The following PEX5L variants were observed in gnomAD, a reference collection of about 807,000 sequenced individuals.
The protein encoded by PEX5L is peroxisomal biogenesis factor 5 like.
PEX5L carries 30 observed loss-of-function variants against 84.0 expected under a neutral mutation model. The observed-to-expected ratio is 0.36, with a 90% CI of 0.27 to 0.48. The LOEUF (loss-of-function observed/expected upper bound fraction) is 0.48. Among genes scored for constraint, PEX5L ranks in the 20% least tolerant of loss-of-function variants. The pLI is 0.99. For missense variants in PEX5L, 533 were observed against 754.6 expected, an observed-to-expected ratio of 0.71 and a Z score of 3.44; for synonymous variants, 270 against 283.1, an observed-to-expected ratio of 0.95 and a Z score of 0.46.
At chr3:179,857,924 A>G (rs1179755613) in intron 8 of PEX5L, among the ~76,000 whole-genome samples, 2 of 152,186 alleles carry the variant, frequency 1.3e-5, no homozygotes, top group Non-Finnish European at 2.9e-5. Context: ...CTTTTTTTTA[A>G]TTAAAAAAGG....
intron 1 of PEX5L, among the ~76,000 whole-genome samples, chr3:180,018,119 G>A (rs1579363140): frequency 1.3e-5 from 2 of 152,116 alleles, no homozygotes; most frequent in Non-Finnish European, 2.9e-5. Flanking sequence ...GAACATATAC[G>A]TTACATTAGA....
At chr3:179,857,204 A>T (rs1235283617) in intron 8 of PEX5L, among the ~76,000 whole-genome samples, 1 of 152,158 alleles carries the variant, frequency 6.6e-6, no homozygotes, top group South Asian at 2.1e-4. Flanking sequence ...TGGGATAACA[A>T]CTCAGGTCCC....
chr3:179,955,546 T>C (rs866337245), intron 2 of PEX5L, among the ~76,000 whole-genome samples: 1 of 151,900 alleles, frequency 6.6e-6, no homozygotes, highest in Non-Finnish European at 1.5e-5. Flanking sequence ...GAAGTGTTTT[T>C]CTAGTCTTCG....
chr3:179,853,760 C>A (rs540243731), intron 8 of PEX5L, among the ~76,000 whole-genome samples: 22 of 151,604 alleles, frequency 1.5e-4, no homozygotes, highest in African/African-American at 4.8e-4. Flanking sequence ...TTCTCTTCTT[C>A]CTCCTCTTCT....
intron 1 of PEX5L, chr3:179,974,098 C>A: frequency 1.0e-6 from 1 of 985,660 alleles, no homozygotes; most frequent in African/African-American, 1.7e-5. Context: ...AGGCAGGGAT[C>A]TTCAGCTCTC....
At chr3:179,988,419 T>TAAATAAATAAATAAATAAATAAAA (rs1276669710) in intron 1 of PEX5L, among the ~76,000 whole-genome samples, 1 of 146,938 alleles carries the variant, frequency 6.8e-6, no homozygotes, top group African/African-American at 2.6e-5. Context: ...AATAAATAAA[T>TAAATAAATAAATAAATAAATAAAA]AAAATAAAAA....
intron 8 of PEX5L, among the ~76,000 whole-genome samples, chr3:179,843,296 G>A (rs1422521951): frequency 2.0e-5 from 3 of 152,150 alleles, no homozygotes; most frequent in Non-Finnish European, 4.4e-5. Flanking sequence ...TCCAAAGCCC[G>A]GGTACAACCA....
At chr3:180,034,921 T>G (rs539125545) in intron 1 of PEX5L, among the ~76,000 whole-genome samples, 17 of 152,304 alleles carry the variant, frequency 1.1e-4, no homozygotes, top group African/African-American at 3.4e-4. Flanking sequence ...AACTCAAGTT[T>G]CAATAACATT....
intron 2 of PEX5L, among the ~76,000 whole-genome samples, chr3:179,905,254 A>G (rs1762739455): frequency 1.3e-5 from 2 of 150,014 alleles, no homozygotes; most frequent in Admixed American, 1.3e-4. Flanking sequence ...GGCACTTCTG[A>G]GGAAGTTGAG....
chr3:179,961,197 GTGTA>G (rs57896988), intron 2 of PEX5L, among the ~76,000 whole-genome samples: 58,274 of 121,682 alleles, frequency 0.48, 12,055 homozygotes, highest in East Asian at 0.77. Context: ...ACTTGTGTAT[GTGTA>G]TGTGTGTGTG....
At chr3:179,810,002 CTTTTTTTTTT>C (rs35662193) in intron 11 of PEX5L, among the ~76,000 whole-genome samples, 2 of 45,262 alleles carry the variant, frequency 4.4e-5, no homozygotes, top group African/African-American at 9.1e-5. Context: ...TTTAATGCTG[CTTTTTTTTTT>C]TTTTTTTTTT....
At chr3:179,995,712 T>G (rs1456457044) in intron 1 of PEX5L, among the ~76,000 whole-genome samples, 1 of 152,200 alleles carries the variant, frequency 6.6e-6, no homozygotes, top group Non-Finnish European at 1.5e-5. Flanking sequence ...AAGATTGCCC[T>G]GACTGAGAGT....
intron 8 of PEX5L, among the ~76,000 whole-genome samples, chr3:179,839,019 G>C (rs1014410278): frequency 1.5e-4 from 22 of 151,618 alleles, no homozygotes; most frequent in African/African-American, 4.8e-4. Flanking sequence ...ATAAAGAAAG[G>C]CTTTCTCATT....
In PEX5L at chr3:179,807,793, C is replaced by A. The variant is rs567679609; in HGVS notation, c.1557G>T (p.Ala519=). 3.7e-6 allele frequency: 6 copies of A among 1,614,014 alleles called. No individual in the cohort carries two copies. The South Asian group carries it at 6.6e-5, about 18-fold the overall frequency. ...SLWNRLGATL[A]NGDRSEEAVE... ...CGGCTTCCTCGCTGCGGTCTCCGTTCGCCAAGGTCGCCCCGAGGCGGTTCC... is the reference window on the plus strand; with the variant it reads ...CGGCTTCCTCGCTGCGGTCTCCGTTAGCCAAGGTCGCCCCGAGGCGGTTCC... The change falls in exon 14 of 15, where the codon GCG becomes GCT. Residue 519 remains alanine (A), a synonymous_variant. Transcript: ENST00000467460.
chr3:179,918,843 G>T (rs1768207060), intron 2 of PEX5L, among the ~76,000 whole-genome samples: 1 of 152,052 alleles, frequency 6.6e-6, no homozygotes, highest in African/African-American at 2.4e-5. Context: ...GCTACAATTG[G>T]TGTGTATCTG....
chr3:179,945,295 G>C (rs1252586781), intron 2 of PEX5L, among the ~76,000 whole-genome samples: 1 of 152,174 alleles, frequency 6.6e-6, no homozygotes, highest in Non-Finnish European at 1.5e-5. Flanking sequence ...CAGATTTCCT[G>C]AATGATGACT....
intron 1 of PEX5L, among the ~76,000 whole-genome samples, chr3:180,004,868 A>T (rs1323048768): frequency 6.6e-6 from 1 of 152,064 alleles, no homozygotes; most frequent in Non-Finnish European, 1.5e-5. Flanking sequence ...TGAATAAAAG[A>T]AATGTGAAAT....
At chr3:179,835,928 C>G (rs551825815) in intron 8 of PEX5L, among the ~76,000 whole-genome samples, 2 of 152,202 alleles carry the variant, frequency 1.3e-5, no homozygotes, top group South Asian at 4.1e-4. Flanking sequence ...ATTTAGGTAT[C>G]TGTATTGGTA....
chr3:180,014,101 T>G (rs570261427), intron 1 of PEX5L, among the ~76,000 whole-genome samples: 43 of 152,262 alleles, frequency 2.8e-4, no homozygotes, highest in South Asian at 1.2e-3. Flanking sequence ...AGAATGAAAA[T>G]TAATGAAATG....
Sources: gnomAD v4.1 joint callset for allele counts (sites outside exome capture counted in the v4.1 genomes callset) on GRCh38, gnomAD v4.1.1 for gene constraint, MANE v1.5 for transcripts, NCBI Gene and HGNC (gene_info 2026-07-23, HGNC 2026-07-21) for gene names.